The following RBFOX1 variants were observed in gnomAD, a reference collection of about 807,000 sequenced individuals.
The protein encoded by RBFOX1 is RNA binding fox-1 homolog 1.
Under a neutral mutation model 57.7 loss-of-function variants are expected in RBFOX1, and 8 were observed. The observed-to-expected ratio is 0.14, with a 90% CI of 0.08 to 0.25. The LOEUF (loss-of-function observed/expected upper bound fraction) is 0.25. RBFOX1 is among the 10% of genes least tolerant of loss of function. RBFOX1 has a pLI of 1.00. For missense variants in RBFOX1, 611 were observed against 548.5 expected, an observed-to-expected ratio of 1.11 and a Z score of -1.14; for synonymous variants, 326 against 222.4, an observed-to-expected ratio of 1.47 and a Z score of -4.15.
chr16:6,852,906 A>T (rs193259607), intron 3 of RBFOX1, among the ~76,000 whole-genome samples: 4 of 152,190 alleles, frequency 2.6e-5, no homozygotes, highest in Non-Finnish European at 5.9e-5. Context: ...CACAAGGTGC[A>T]TGCTGGGAAC....
chr16:5,678,545 T>C (rs2050234942), intron 3 of RBFOX1, among the ~76,000 whole-genome samples: 1 of 152,196 alleles, frequency 6.6e-6, no homozygotes, highest in Non-Finnish European at 1.5e-5. Flanking sequence ...GTTCCTAAGC[T>C]CAGTGAGCCT....
chr16:5,497,785 A>G (rs2043053034), intron 2 of RBFOX1, among the ~76,000 whole-genome samples: 1 of 151,858 alleles, frequency 6.6e-6, no homozygotes, highest in African/African-American at 2.4e-5. Context: ...TTCTGTTTCA[A>G]AATAAACAAA....
At chr16:6,357,930 C>A (rs1234044625) in intron 2 of RBFOX1, among the ~76,000 whole-genome samples, 8 of 148,978 alleles carry the variant, frequency 5.4e-5, no homozygotes, top group African/African-American at 2.0e-4. Context: ...TCACTCCAGC[C>A]TGGGCAACAG....
chr16:7,019,516 A>G (rs1049734412), intron 3 of RBFOX1, among the ~76,000 whole-genome samples: 1 of 152,102 alleles, frequency 6.6e-6, no homozygotes, highest in African/African-American at 2.4e-5. Flanking sequence ...CCCTGAGCCC[A>G]TGGTCCTCTC....
intron 2 of RBFOX1, among the ~76,000 whole-genome samples, chr16:6,400,469 G>A (rs2093024191): frequency 6.6e-6 from 1 of 152,184 alleles, no homozygotes. Context: ...TATAGATGCT[G>A]TAAATTTACT....
chr16:6,225,174 A>C (rs537186555), intron 1 of RBFOX1, among the ~76,000 whole-genome samples: 3 of 152,110 alleles, frequency 2.0e-5, no homozygotes, highest in Admixed American at 2.0e-4. Context: ...CAATGGAAGG[A>C]ATAACAGCTA....
At chr16:6,816,310 A>G (rs1026279978) in intron 3 of RBFOX1, among the ~76,000 whole-genome samples, 1 of 152,192 alleles carries the variant, frequency 6.6e-6, no homozygotes, top group Non-Finnish European at 1.5e-5. Flanking sequence ...CCTTGTTGCA[A>G]TCAATCATTC....
intron 3 of RBFOX1, among the ~76,000 whole-genome samples, chr16:6,784,847 A>G (rs1401687041): frequency 6.6e-6 from 1 of 152,132 alleles, no homozygotes; most frequent in African/African-American, 2.4e-5. Flanking sequence ...AAAAATGAGT[A>G]GAAGTTGAAA....
At chr16:5,436,845 A>T (rs1442517970) in intron 1 of RBFOX1, among the ~76,000 whole-genome samples, 1 of 152,204 alleles carries the variant, frequency 6.6e-6, no homozygotes, top group Non-Finnish European at 1.5e-5. Context: ...TTCAAAAAAA[A>T]AAAAAGTTCT....
intron 3 of RBFOX1, among the ~76,000 whole-genome samples, chr16:6,885,130 C>G (rs543657219): frequency 6.6e-6 from 1 of 152,280 alleles, no homozygotes; most frequent in Non-Finnish European, 1.5e-5. Context: ...GGAGGAAAGT[C>G]TCAAGCTCTG....
At chr16:5,311,866 A>C (rs1347287282) in intron 1 of RBFOX1, among the ~76,000 whole-genome samples, 4 of 152,162 alleles carry the variant, frequency 2.6e-5, no homozygotes, top group Admixed American at 1.3e-4. Flanking sequence ...CCTGGGAAGT[A>C]GCTCTGACAT....
At chr16:7,481,504 A>G (rs2063929542) in intron 4 of RBFOX1, among the ~76,000 whole-genome samples, 1 of 152,204 alleles carries the variant, frequency 6.6e-6, no homozygotes, top group Non-Finnish European at 1.5e-5. Context: ...AGAATCTATC[A>G]TACCTTAATT....
At chr16:6,364,528 G>A (rs2089213377) in intron 2 of RBFOX1, among the ~76,000 whole-genome samples, 2 of 152,074 alleles carry the variant, frequency 1.3e-5, no homozygotes, top group South Asian at 2.1e-4. Context: ...CTTTCAGCTG[G>A]CCATTTTTCC....
At chr16:5,714,488 G>C (rs940518285) in intron 3 of RBFOX1, among the ~76,000 whole-genome samples, 4 of 152,190 alleles carry the variant, frequency 2.6e-5, no homozygotes, top group Admixed American at 6.5e-5. Flanking sequence ...ACATGTGAGC[G>C]AGCCCAGGTG....
intron 3 of RBFOX1, among the ~76,000 whole-genome samples, chr16:5,745,216 G>C (rs1259497411): frequency 1.3e-5 from 2 of 152,116 alleles, no homozygotes; most frequent in African/African-American, 4.8e-5. Context: ...CTTTGCGATA[G>C]TTTGCTGAGA....
chr16:6,070,817 G>GCC (rs200895934), intron 1 of RBFOX1, among the ~76,000 whole-genome samples: 38 of 149,754 alleles, frequency 2.5e-4, no homozygotes, highest in South Asian at 1.5e-3. Flanking sequence ...ACACACGCTC[G>GCC]CCCCCCCCAC....
chr16:7,619,005 T>G (rs1030601608), intron 10 of RBFOX1, among the ~76,000 whole-genome samples: 2 of 152,234 alleles, frequency 1.3e-5, no homozygotes, highest in Admixed American at 6.5e-5. Context: ...TACGTTCTAA[T>G]GAGTTTTTCA....
chr16:6,360,145 TA>T (rs1036994178), intron 2 of RBFOX1, among the ~76,000 whole-genome samples: 7 of 151,922 alleles, frequency 4.6e-5, no homozygotes, highest in Admixed American at 2.6e-4. Context: ...TGTTTTCAAT[TA>T]AAAAAAATAT....
At chr16:5,420,721 A>G (rs1267714453) in intron 1 of RBFOX1, among the ~76,000 whole-genome samples, 2 of 152,016 alleles carry the variant, frequency 1.3e-5, no homozygotes, top group African/African-American at 4.8e-5. Flanking sequence ...CTTTTGGTAG[A>G]GATGGGGTTT....
Sources: gnomAD v4.1 joint callset for allele counts (sites outside exome capture counted in the v4.1 genomes callset) on GRCh38, gnomAD v4.1.1 for gene constraint, MANE v1.5 for transcripts, NCBI Gene and HGNC (gene_info 2026-07-23, HGNC 2026-07-21) for gene names.